Variants in GADD45A observed in about 807,000 individuals in gnomAD.
GADD45A encodes the protein growth arrest and DNA damage-inducible protein GADD45 alpha.
In GADD45A, 9 loss-of-function variants were observed where a neutral mutation model predicts 17.7. The observed-to-expected ratio is 0.51, with a 90% CI of 0.31 to 0.89. The LOEUF (loss-of-function observed/expected upper bound fraction) is 0.89. Ranked by LOEUF, GADD45A falls within the 40% of genes least tolerant of loss-of-function variation. The pLI, the probability that GADD45A is intolerant of heterozygous loss-of-function variation, is 0.05. For synonymous variants in GADD45A, 95 were observed against 92.2 expected, an observed-to-expected ratio of 1.03 and a Z score of -0.17; for missense variants, 149 against 220.6, an observed-to-expected ratio of 0.68 and a Z score of 2.06.
At chr1:67,687,116 A>G (rs780912959) in intron 3 of GADD45A, among the ~76,000 whole-genome samples, 2 of 150,988 alleles carry the variant, frequency 1.3e-5, no homozygotes, top group African/African-American at 2.4e-5. Context: ...TTTGGTAGGT[A>G]GGGAAGTTAT....
At position 67,686,411 on chromosome 1, in the gene GADD45A, G is replaced by A; in HGVS notation, c.208G>A (p.Ala70Thr). Residue 70 changes from alanine (A) to threonine (T), a missense_variant, in exon 3 of 4, where the codon GCT (alanine) becomes ACT (threonine). Coordinates refer to ENST00000370986, the MANE Select transcript of GADD45A (RefSeq NM_001924.4). ...AADEDDDRDV[A>T]LQIHFTLIQA... Reference sequence around the variant, plus strand: ...GGACGAGGACGACGACAGAGATGTGGCTCTGCAGATCCACTTCACCCTGAT... The same window carrying A: ...GGACGAGGACGACGACAGAGATGTGACTCTGCAGATCCACTTCACCCTGAT... 1 of 1,613,802 alleles carries A rather than the reference G, an allele frequency of 6.2e-7. No individual in the cohort carries two copies. The highest frequency in any genetic ancestry group is 8.5e-7 in the Non-Finnish European group (1 of 1,179,868).
Position 67,685,398 on chromosome 1 carries a change from C to T in GADD45A, c.-97C>T. 4 of 1,189,308 alleles carry T rather than the reference C, an allele frequency of 3.4e-6. No individual in the cohort carries two copies. Among genetic ancestry groups the T allele is most frequent in the Non-Finnish European group, 4.8e-6 (4 of 827,540 alleles). 73.7% of individuals were successfully genotyped at this position (1,189,308 alleles called of 1,614,324 possible). On this transcript the variant is annotated 5_prime_UTR_variant, in exon 1 of 4. Coordinates refer to ENST00000370986, the MANE Select transcript of GADD45A (RefSeq NM_001924.4). ...AGGGCCTGAGCTGCCGGAGCGGCGC[C>T]TGTGAGTGAGTGCAGAAAGCAGGCG...
At chr1:67,685,641 A>G in intron 1 of GADD45A, 103 bp downstream of exon 1, 1 of 1,185,906 alleles carries the variant, frequency 8.4e-7, no homozygotes, top group East Asian at 2.6e-5. Context: ...GAAGCTAAAA[A>G]GTTTGCACAG....
Position 67,686,430 on chromosome 1 carries a change from CCCTGATCCAGGCGTTTT to C in GADD45A, c.228_244del (p.Ile78ArgfsTer78). The C allele has an allele frequency of 6.2e-7, 1 of 1,613,870 alleles. No homozygotes were observed. The highest frequency in any genetic ancestry group is 8.5e-7 in the Non-Finnish European group (1 of 1,179,866). ...GATGTGGCTCTGCAGATCCACTTCACCCTGATCCAGGCGTTTTGCTGCGAGAACGACATCAACATCCT... is the reference window on the plus strand; with the variant it reads ...GATGTGGCTCTGCAGATCCACTTCACGCTGCGAGAACGACATCAACATCCT... On this transcript the variant is annotated frameshift_variant, in exon 3 of 4. Coordinates refer to ENST00000370986, the MANE Select transcript of GADD45A (RefSeq NM_001924.4). LOFTEE classifies it high-confidence loss of function.
intron 3 of GADD45A, among the ~76,000 whole-genome samples, chr1:67,687,075 A>T (rs1016477686): frequency 6.8e-6 from 1 of 148,044 alleles, no homozygotes; most frequent in Non-Finnish European, 1.5e-5. Context: ...CATTTTTTTA[A>T]TGGCTCTTTT....
At position 67,686,334 on chromosome 1, in the gene GADD45A, C is replaced by T. The variant is rs201689507; in HGVS notation, c.147-16C>T. 179 of 1,607,316 alleles carry T rather than the reference C, an allele frequency of 1.1e-4. 2 individuals are homozygous for T. The African/African-American group carries it at 1.6e-3, about 14-fold the overall frequency. On this transcript the variant is annotated splice_polypyrimidine_tract_variant and intron_variant, in intron 2 of 3. Transcript: ENST00000370986. The stretch of plus-strand genomic sequence containing the variant: ...CCCGCGCTTCTGCGCTCACTGGCCC[C>T]GCCCGCTGCCCCCAGCGACCCCGAT...
At chr1:67,686,167 C>T (rs1420546188) in intron 2 of GADD45A, 41 bp downstream of exon 2, 3 of 1,528,360 alleles carry the variant, frequency 2.0e-6, no homozygotes, top group Non-Finnish European at 2.7e-6. Context: ...CACCCCTTCC[C>T]GCCCCAGCCC....
rs1646123616 is a variant in GADD45A, at chr1:67,685,245, T to C, written c.-250T>C. ...CTGGGAGGCAGCGGCCCAATTAGTG[T>C]CGTGCGGCCCGTGGCGAGGCGAGGT... On this transcript the variant is annotated 5_prime_UTR_variant, in exon 1 of 4. Coordinates refer to ENST00000370986, the MANE Select transcript of GADD45A (RefSeq NM_001924.4). The C allele has an allele frequency of 6.0e-6, 3 of 499,710 alleles. No individual in the cohort carries two copies. Among genetic ancestry groups the C allele is most frequent in the Middle Eastern group, 5.2e-4 (1 of 1,914 alleles). The allele number at this position is 499,710 out of a possible 1,614,324, so 31.0% of individuals were successfully genotyped here. A position where few individuals can be genotyped will look rare whatever the true frequency, so the allele number is the denominator to read the frequency against.
At position 67,686,030 on chromosome 1, in the gene GADD45A, A is replaced by G. The variant is rs762272093; in HGVS notation, c.50A>G (p.Asp17Gly). The G allele has an allele frequency of 1.2e-5, 20 of 1,602,722 alleles. No individual in the cohort carries two copies. The Admixed American group carries it at 3.4e-4, about 27-fold the overall frequency. ...SAGEQKTERM[D>G]KVGDALEEVL... Reference sequence around the variant, plus strand: ...TCGCCCTTGCCCGCGTGTAGGATGGATAAGGTGGGGGATGCCCTGGAGGAA... The same window carrying G: ...TCGCCCTTGCCCGCGTGTAGGATGGGTAAGGTGGGGGATGCCCTGGAGGAA... Residue 17 changes from aspartate (D) to glycine (G), a missense_variant, in exon 2 of 4, where the codon GAT (aspartate) becomes GGT (glycine). Asp to Gly is a moderately conservative substitution (Grantham distance 94). Coordinates refer to ENST00000370986, the MANE Select transcript of GADD45A (RefSeq NM_001924.4).
Position 67,687,600 on chromosome 1 carries a change from G to T in GADD45A, c.385-61G>T. On this transcript the variant is annotated intron_variant, in intron 3 of 3. Transcript: ENST00000370986. The stretch of plus-strand genomic sequence containing the variant: ...ATGTTCAAGTGTTTTCTCCTCAAAA[G>T]TATAATTACTAGAATATACTGGTTT... 3 of 1,039,698 alleles carry T rather than the reference G, an allele frequency of 2.9e-6. 1 individual carries two copies. In the South Asian group the frequency reaches 4.0e-5, roughly 14 times the overall value. 64.4% of individuals were successfully genotyped at this position (1,039,698 alleles called of 1,614,324 possible).
Position 67,687,794 on chromosome 1 carries a change from A to G in GADD45A, c.*20A>G. 6.7e-7 allele frequency: 1 copy of G among 1,489,470 alleles called. No homozygotes were observed. The highest frequency in any genetic ancestry group is 9.4e-7 in the Non-Finnish European group (1 of 1,067,768). 92.3% of individuals were successfully genotyped at this position (1,489,470 alleles called of 1,614,324 possible). ...CGGTGATGGCATCTGAATGAAAATA[A>G]CTGAACCAAATTGCACTGAAGTTTT... On this transcript the variant is annotated 3_prime_UTR_variant, in exon 4 of 4. Coordinates refer to ENST00000370986, the MANE Select transcript of GADD45A (RefSeq NM_001924.4).
At chr1:67,686,681 G>C in intron 3 of GADD45A, 94 bp downstream of exon 3, 4 of 1,030,064 alleles carry the variant, frequency 3.9e-6, no homozygotes, top group Non-Finnish European at 5.6e-6. Context: ...TGGTAGGTGG[G>C]GGTCAGGAGG....
chr1:67,685,921 G>A (rs933272030), intron 1 of GADD45A, 104 bp from the exon 2 acceptor site: 37 of 722,378 alleles, frequency 5.1e-5, no homozygotes, highest in East Asian at 1.2e-4. Flanking sequence ...GTGCGCGGTG[G>A]TGCTTGCATT....
chr1:67,685,556 C>G lies in GADD45A; in HGVS notation c.44+18C>G. ...ACCGAAAGGTGAGTCGGCCTGCGGA[C>G]TCTTCCGGCCCGAACTTCTCTTACC... On this transcript the variant is annotated intron_variant, in intron 1 of 3. Transcript: ENST00000370986. 6.3e-7 allele frequency: 1 copy of G among 1,598,876 alleles called. No homozygotes were observed. Among genetic ancestry groups the G allele is most frequent in the South Asian group, 1.1e-5 (1 of 88,912 alleles).
In GADD45A at chr1:67,687,709, T is replaced by C. The variant is rs1213456583; in HGVS notation, c.433T>C (p.Cys145Arg). The C allele has an allele frequency of 1.9e-6, 3 of 1,613,360 alleles. No individual in the cohort carries two copies. In the African/African-American group the frequency reaches 4.0e-5, roughly 22 times the overall value. Residue 145 changes from cysteine (C) to arginine (R), a missense_variant, in exon 4 of 4, where the codon TGT (cysteine) becomes CGT (arginine). Physicochemically the swap from Cys to Arg is radical, Grantham distance 180. Transcript: ENST00000370986. ...WKDPALSQLI[C>R]FCRESRYMDQ... ...GGATCCTGCCTTAAGTCAACTTATT[T>C]GTTTTTGCCGGGAAAGTCGCTACAT...
At chr1:67,685,816 T>C in intron 1 of GADD45A, 1 of 592,680 alleles carries the variant, frequency 1.7e-6, no homozygotes, top group South Asian at 2.0e-5. Context: ...GCAGGGGCAC[T>C]CTCGGGACTT....
At position 67,687,896 on chromosome 1, in the gene GADD45A, T is replaced by C. The variant is rs1013440448; in HGVS notation, c.*122T>C. ...ATTACAGAAACTGATGCCAAGGGGC[T>C]GAGTGAGTTCAACTACATGTTCTGG... On this transcript the variant is annotated 3_prime_UTR_variant, in exon 4 of 4. Transcript: ENST00000370986. 4.6e-6 allele frequency: 3 copies of C among 648,912 alleles called. No individual in the cohort carries two copies. In the Admixed American group the frequency reaches 7.3e-5, roughly 16 times the overall value. 40.2% of individuals were successfully genotyped at this position (648,912 alleles called of 1,614,324 possible).
intron 3 of GADD45A, 120 bp from the exon 4 acceptor site, chr1:67,687,541 A>G (rs1337179211): frequency 1.5e-6 from 1 of 651,484 alleles, no homozygotes; most frequent in Non-Finnish European, 2.7e-6. Flanking sequence ...TTGTGCTTCT[A>G]ATTTGTCTCC....
In GADD45A at chr1:67,686,014, C is replaced by T; in HGVS notation, c.45-11C>T. 1.3e-6 allele frequency: 2 copies of T among 1,587,236 alleles called. No individual in the cohort carries two copies. Among genetic ancestry groups the T allele is most frequent in the Non-Finnish European group, 1.7e-6 (2 of 1,165,634 alleles). The stretch of plus-strand genomic sequence containing the variant: ...GGGCTGACGGGACCCCTCGCCCTTG[C>T]CCGCGTGTAGGATGGATAAGGTGGG... On this transcript the variant is annotated splice_polypyrimidine_tract_variant and intron_variant, in intron 1 of 3. Coordinates refer to ENST00000370986, the MANE Select transcript of GADD45A (RefSeq NM_001924.4).
Sources: gnomAD v4.1 joint callset for allele counts (sites outside exome capture counted in the v4.1 genomes callset) on GRCh38, gnomAD v4.1.1 for gene constraint, MANE v1.5 for transcripts, NCBI Gene and HGNC (gene_info 2026-07-23, HGNC 2026-07-21) for gene names.